Variants in RBMS1 observed in about 807,000 individuals in gnomAD.
RBMS1 encodes the protein RNA binding motif single stranded interacting protein 1.
RBMS1 carries 17 observed loss-of-function variants against 62.3 expected under a neutral mutation model. The observed-to-expected ratio is 0.27, with a 90% confidence interval of 0.19 to 0.41. RBMS1 has a LOEUF of 0.41. Ranked by LOEUF, RBMS1 falls within the 10% of genes least tolerant of loss-of-function variation. The pLI, the probability that RBMS1 is intolerant of heterozygous loss-of-function variation, is 1.00. For missense variants in RBMS1, 334 were observed against 504.5 expected, an observed-to-expected ratio of 0.66 and a Z score of 3.24; for synonymous variants, 172 against 170.0, an observed-to-expected ratio of 1.01 and a Z score of -0.09.
chr2:160,410,083 A>G (rs1054919056), intron 1 of RBMS1, among the ~76,000 whole-genome samples: 3 of 151,672 alleles, frequency 2.0e-5, no homozygotes, highest in African/African-American at 4.8e-5. Flanking sequence ...TTAGCCGGGC[A>G]TAGTGGCGGG....
intron 1 of RBMS1, among the ~76,000 whole-genome samples, chr2:160,381,274 T>C (rs1386833960): frequency 6.6e-6 from 1 of 152,196 alleles, no homozygotes; most frequent in Non-Finnish European, 1.5e-5. Flanking sequence ...TTTACCCATT[T>C]TAGTAAAATG....
At chr2:160,449,025 C>G (rs1303660932) in intron 1 of RBMS1, among the ~76,000 whole-genome samples, 1 of 151,730 alleles carries the variant, frequency 6.6e-6, no homozygotes, top group Non-Finnish European at 1.5e-5. Flanking sequence ...GCCCGGCCAC[C>G]CTGTCTGAGA....
intron 1 of RBMS1, among the ~76,000 whole-genome samples, chr2:160,485,982 G>C (rs1188129352): frequency 6.6e-6 from 1 of 152,074 alleles, no homozygotes. Flanking sequence ...CGAAATTGTT[G>C]TTGAGAAGAC....
chr2:160,352,675 T>C lies in RBMS1; in HGVS notation c.251+14541A>G, dbSNP rs369916533. Among the ~76,000 whole-genome samples, 7 of 152,280 alleles carry C rather than the reference T, an allele frequency of 4.6e-5. No homozygotes were observed. The South Asian group carries it at 1.4e-3, about 32-fold the overall frequency. On this transcript the variant is annotated intron_variant, in intron 2 of 13. Coordinates refer to ENST00000348849, the MANE Select transcript of RBMS1 (RefSeq NM_016836.4). ...TCTTTTGGAAATTCAAGTCTGCACA[T>C]GTCCGTTCATATAAAACTGTACAAA...
At chr2:160,374,980 C>A (rs1693920875) in intron 1 of RBMS1, among the ~76,000 whole-genome samples, 1 of 152,060 alleles carries the variant, frequency 6.6e-6, no homozygotes, top group South Asian at 2.1e-4. Context: ...TTAGAATATC[C>A]AGATTCAAGT....
At chr2:160,362,775 G>C (rs1410544689) in intron 2 of RBMS1, among the ~76,000 whole-genome samples, 1 of 151,920 alleles carries the variant, frequency 6.6e-6, no homozygotes, top group Non-Finnish European at 1.5e-5. Flanking sequence ...CCTTCAATTT[G>C]TATTTTTTTT....
rs747004877 is a variant in RBMS1 at position 160,277,386 on chromosome 2, A to G, written c.1063-3T>C. The G allele has an allele frequency of 6.2e-7, 1 of 1,609,542 alleles. No individual in the cohort carries two copies. The highest frequency in any genetic ancestry group is 8.5e-7 in the Non-Finnish European group (1 of 1,175,892). On this transcript the variant is annotated splice_region_variant and splice_polypyrimidine_tract_variant and intron_variant, in intron 11 of 13. Transcript: ENST00000348849. ...ATAGCTGACGTTGCAGGCATGTACT[A>G]GAAAGAAGAATGAGGTCAGAATGGG...
At chr2:160,465,666 T>C (rs1041767938) in intron 1 of RBMS1, among the ~76,000 whole-genome samples, 3 of 152,118 alleles carry the variant, frequency 2.0e-5, no homozygotes, top group African/African-American at 4.8e-5. Context: ...GGCAGAATCT[T>C]CTCTTCTCTC....
At chr2:160,286,594 A>G (rs776644210) in intron 7 of RBMS1, among the ~76,000 whole-genome samples, 3 of 152,072 alleles carry the variant, frequency 2.0e-5, no homozygotes, top group Non-Finnish European at 4.4e-5. Context: ...TGCTAGGATT[A>G]TAGGTGTGAG....
At chr2:160,341,405 C>A (rs1691867188) in intron 2 of RBMS1, among the ~76,000 whole-genome samples, 1 of 152,092 alleles carries the variant, frequency 6.6e-6, no homozygotes, top group Admixed American at 6.6e-5. Context: ...GTGACTGTGG[C>A]AGAGGAGAGC....
chr2:160,489,949 C>G (rs1247439997), intron 1 of RBMS1, among the ~76,000 whole-genome samples: 14 of 152,050 alleles, frequency 9.2e-5, no homozygotes, highest in Admixed American at 9.2e-4. Context: ...TTTCAATCCC[C>G]ATAACTATTT....
At chr2:160,368,352 A>T (rs1185601590) in intron 1 of RBMS1, among the ~76,000 whole-genome samples, 1 of 152,216 alleles carries the variant, frequency 6.6e-6, no homozygotes, top group Non-Finnish European at 1.5e-5. Context: ...ATCACTCATG[A>T]ACAGTTTGAA....
At chr2:160,405,257 A>AT (rs71003495) in intron 1 of RBMS1, among the ~76,000 whole-genome samples, 68,782 of 149,000 alleles carry the variant, frequency 0.46, 17,283 homozygotes, top group East Asian at 0.61. Flanking sequence ...CTTACATTCC[A>AT]TTTTTTTTTT....
intron 1 of RBMS1, among the ~76,000 whole-genome samples, chr2:160,390,688 CAAAAAAAAAAA>C (rs34478081): frequency 1.6e-5 from 1 of 60,640 alleles, no homozygotes; most frequent in Non-Finnish European, 3.3e-5. Context: ...GACCCAGTCT[CAAAAAAAAAAA>C]AAAAAAAAAA....
At chr2:160,309,099 A>G (rs1417350299) in intron 4 of RBMS1, among the ~76,000 whole-genome samples, 1 of 152,148 alleles carries the variant, frequency 6.6e-6, no homozygotes, top group Non-Finnish European at 1.5e-5. Flanking sequence ...AAATCAGACC[A>G]CCTAAAGACA....
At chr2:160,389,797 G>T in intron 1 of RBMS1, among the ~76,000 whole-genome samples, 1 of 135,880 alleles carries the variant, frequency 7.4e-6, no homozygotes, top group South Asian at 2.5e-4. Context: ...AAAATTACTA[G>T]TTTTTTTTTT....
At chr2:160,397,230 T>A (rs576592214) in intron 1 of RBMS1, among the ~76,000 whole-genome samples, 33 of 152,184 alleles carry the variant, frequency 2.2e-4, no homozygotes, top group African/African-American at 7.5e-4. Context: ...AGAGCATTAT[T>A]CCAAATCTTT....
rs186584131 is a variant in RBMS1, at chr2:160,354,502, C to T, written c.251+12714G>A. Among the ~76,000 whole-genome samples, 185 of 152,218 alleles carry T rather than the reference C, an allele frequency of 1.2e-3. 1 individual carries two copies. The highest frequency in any genetic ancestry group is 0.01 in the Middle Eastern group (3 of 292). On this transcript the variant is annotated intron_variant, in intron 2 of 13. Transcript: ENST00000348849. ...TGGCTTTGAAGGTGAAGATGAAACACTTTGGAAGCCCACTTGGAAAGCATC... is the reference window on the plus strand; with the variant it reads ...TGGCTTTGAAGGTGAAGATGAAACATTTTGGAAGCCCACTTGGAAAGCATC...
chr2:160,467,524 T>C (rs938782939), intron 1 of RBMS1, among the ~76,000 whole-genome samples: 14 of 152,188 alleles, frequency 9.2e-5, no homozygotes, highest in African/African-American at 3.4e-4. Context: ...CTAGACTTAC[T>C]CATAATTTTC....
Sources: gnomAD v4.1 joint callset for allele counts (sites outside exome capture counted in the v4.1 genomes callset) on GRCh38, gnomAD v4.1.1 for gene constraint, MANE v1.5 for transcripts, NCBI Gene and HGNC (gene_info 2026-07-23, HGNC 2026-07-21) for gene names.